The following GLIS3 variants were observed in gnomAD, a reference collection of about 807,000 sequenced individuals.
GLIS3 encodes the protein zinc finger protein GLIS3.
In GLIS3, 53 loss-of-function variants were observed where a neutral mutation model predicts 78.6. That is an observed-to-expected ratio of 0.67 (90% CI 0.54 to 0.85). The LOEUF (loss-of-function observed/expected upper bound fraction) is 0.85. Among genes scored for constraint, GLIS3 ranks in the 40% least tolerant of loss-of-function variants. The probability of loss-of-function intolerance (pLI) is 0.00; values close to 1 mark genes in which losing one functional copy is unlikely to be tolerated. For missense variants in GLIS3, 1,703 were observed against 1,231.1 expected (o/e 1.38, Z -5.74); for synonymous variants, 684 against 509.9 (o/e 1.34, Z -4.60).
At chr9:4,021,773 G>C (rs563122) in intron 4 of GLIS3, among the ~76,000 whole-genome samples, 2,411 of 152,248 alleles carry the variant, frequency 0.016, 62 homozygotes, top group African/African-American at 0.056. Context: ...AAAAACACTT[G>C]CCAAGCTTCC....
chr9:4,308,048 T>C (rs1817273183), intron 4 of GLIS3, among the ~76,000 whole-genome samples: 1 of 152,176 alleles, frequency 6.6e-6, no homozygotes, highest in South Asian at 2.1e-4. Flanking sequence ...CTCTGGGCTC[T>C]CACAGAACAC....
intron 8 of GLIS3, among the ~76,000 whole-genome samples, chr9:3,863,689 T>A (rs1820382359): frequency 6.6e-6 from 1 of 152,240 alleles, no homozygotes; most frequent in Non-Finnish European, 1.5e-5. Context: ...TTGAAGGAGA[T>A]GCTCATATAC....
At position 3,937,015 on chromosome 9, in the gene GLIS3, C is replaced by T. The variant is rs1164631797; in HGVS notation, c.1872+13G>A. Reference sequence around the variant, plus strand: ...CGCTGGGTTGGAAACTGGAAAGCTCCTGCCATTCTTACGGTGTCCAGATGC... The same window carrying T: ...CGCTGGGTTGGAAACTGGAAAGCTCTTGCCATTCTTACGGTGTCCAGATGC... On this transcript the variant is annotated intron_variant, in intron 5 of 10. Coordinates refer to ENST00000381971, the MANE Select transcript of GLIS3 (RefSeq NM_001042413.2). The T allele has an allele frequency of 1.2e-6, 2 of 1,612,182 alleles. No homozygotes were observed. Among genetic ancestry groups the T allele is most frequent in the Admixed American group, 1.7e-5 (1 of 60,002 alleles).
chr9:4,357,016 C>G, the GLIS3 span, among the ~76,000 whole-genome samples: 2 of 152,262 alleles, frequency 1.3e-5, no homozygotes, highest in Middle Eastern at 6.8e-3. Flanking sequence ...AAATTGAAAT[C>G]TAGCATGTAT....
chr9:4,438,493 G>C, the GLIS3 span, among the ~76,000 whole-genome samples: 1 of 152,160 alleles, frequency 6.6e-6, no homozygotes, highest in South Asian at 2.1e-4. Context: ...TGGTGGCAGT[G>C]TGAAGATTTT....
the GLIS3 span, among the ~76,000 whole-genome samples, chr9:4,459,768 C>G: frequency 6.6e-6 from 1 of 152,152 alleles, no homozygotes; most frequent in African/African-American, 2.4e-5. Context: ...ATGTTCACAC[C>G]ACTGCACTCT....
intron 9 of GLIS3, among the ~76,000 whole-genome samples, chr9:3,839,220 G>T (rs1259638383): frequency 6.6e-6 from 1 of 152,198 alleles, no homozygotes. Context: ...TTGTTTATAT[G>T]ATATCATGTC....
intron 7 of GLIS3, among the ~76,000 whole-genome samples, chr9:3,886,223 C>T (rs147911805): frequency 3.8e-4 from 58 of 152,296 alleles, no homozygotes; most frequent in Non-Finnish European, 6.8e-4. Context: ...TGTGGTGTTA[C>T]TTTACAAATG....
intron 8 of GLIS3, among the ~76,000 whole-genome samples, chr9:3,877,347 C>T (rs558088588): frequency 2.0e-5 from 3 of 152,310 alleles, no homozygotes; most frequent in South Asian, 2.1e-4. Context: ...TTATCATTTG[C>T]GCTGCTTTGC....
intron 4 of GLIS3, among the ~76,000 whole-genome samples, chr9:3,988,789 G>C (rs1256846071): frequency 1.3e-5 from 2 of 151,702 alleles, no homozygotes; most frequent in African/African-American, 2.4e-5. Context: ...CTAAATGTAA[G>C]AAACAGCACC....
chr9:4,081,492 C>G (rs927482766), intron 4 of GLIS3: 2 of 152,206 alleles, frequency 1.3e-5, no homozygotes, highest in Non-Finnish European at 2.9e-5. Flanking sequence ...ATTTTCTTTG[C>G]TCTTTATCTG....
chr9:4,372,612 T>C, the GLIS3 span, among the ~76,000 whole-genome samples: 2 of 151,932 alleles, frequency 1.3e-5, no homozygotes, highest in East Asian at 3.9e-4. Context: ...CTTAAGGAAT[T>C]TGCGTCAAAT....
chr9:4,486,833 G>A, the GLIS3 span, among the ~76,000 whole-genome samples: 2 of 152,128 alleles, frequency 1.3e-5, no homozygotes, highest in Non-Finnish European at 2.9e-5. Flanking sequence ...AGGACTACAG[G>A]CATGTGCCAT....
intron 2 of GLIS3, among the ~76,000 whole-genome samples, chr9:4,209,821 C>T (rs55751807): frequency 3.9e-4 from 58 of 149,888 alleles, no homozygotes; most frequent in African/African-American, 1.4e-3. Context: ...TCCCGCCCCC[C>T]CCCAGTTGTG....
chr9:4,385,404 C>T, the GLIS3 span, among the ~76,000 whole-genome samples: 10 of 152,310 alleles, frequency 6.6e-5, no homozygotes, highest in East Asian at 1.9e-3. Flanking sequence ...TGGCTCACGC[C>T]TATAATCCCA....
At chr9:4,076,744 G>A (rs1377310253) in intron 4 of GLIS3, among the ~76,000 whole-genome samples, 3 of 152,062 alleles carry the variant, frequency 2.0e-5, no homozygotes, top group Non-Finnish European at 2.9e-5. Flanking sequence ...AAAATATAAT[G>A]TGACTTTCTT....
At chr9:4,290,301 G>A (rs1363479517) in intron 1 of GLIS3, among the ~76,000 whole-genome samples, 1 of 152,084 alleles carries the variant, frequency 6.6e-6, no homozygotes, top group Non-Finnish European at 1.5e-5. Context: ...CCGATAATGA[G>A]GCACAAAATA....
At chr9:4,376,359 T>C in the GLIS3 span, among the ~76,000 whole-genome samples, 1 of 152,222 alleles carries the variant, frequency 6.6e-6, no homozygotes, top group Non-Finnish European at 1.5e-5. Flanking sequence ...TTGTTTTTCC[T>C]GGGGAGAGCC....
the GLIS3 span, among the ~76,000 whole-genome samples, chr9:4,442,935 T>C: frequency 6.6e-6 from 1 of 152,240 alleles, no homozygotes; most frequent in South Asian, 2.1e-4. Context: ...AGGGTGATAA[T>C]TGAGGTGTTA....
Sources: allele counts gnomAD v4.1 joint callset (sites outside exome capture counted in the v4.1 genomes callset), GRCh38; gene constraint gnomAD v4.1.1; transcripts MANE v1.5; gene names NCBI Gene and HGNC (gene_info 2026-07-23, HGNC 2026-07-21).